DNAI1: variants seen among roughly 807,000 people sequenced by gnomAD.
DNAI1 encodes dynein axonemal intermediate chain 1.
Under a neutral mutation model 92.0 loss-of-function variants are expected in DNAI1, and 67 were observed. That is an observed-to-expected ratio of 0.73 (90% CI 0.60 to 0.89). The LOEUF (loss-of-function observed/expected upper bound fraction) is 0.89. DNAI1 is among the 40% of genes least tolerant of loss of function. DNAI1 has a pLI of 0.00. For missense variants in DNAI1, 839 were observed against 866.6 expected, an observed-to-expected ratio of 0.97 and a Z score of 0.40; for synonymous variants, 323 against 319.6, an observed-to-expected ratio of 1.01 and a Z score of -0.11.
chr9:34,501,311 G>T, intron 12 of DNAI1, 130 bp downstream of exon 12: 1 of 802,156 alleles, frequency 1.2e-6, no homozygotes, highest in African/African-American at 1.7e-5. Context: ...ACAGTCTAAT[G>T]GGGAAGACCC....
At chr9:34,512,044 T>C (rs766763094) in intron 13 of DNAI1, 65 bp from the exon 14 acceptor site, 71 of 1,523,360 alleles carry the variant, frequency 4.7e-5, no homozygotes, top group Non-Finnish European at 6.5e-5. Flanking sequence ...GGAGCCCTGC[T>C]CTGCCCACAG....
intron 9 of DNAI1, among the ~76,000 whole-genome samples, chr9:34,495,831 C>T (rs1178128830): frequency 1.3e-5 from 2 of 152,142 alleles, no homozygotes; most frequent in African/African-American, 4.8e-5. Context: ...GGAGAGGATT[C>T]CTGCTCTGGG....
At chr9:34,484,628 A>AT (rs1285165569) in intron 2 of DNAI1, among the ~76,000 whole-genome samples, 3 of 152,326 alleles carry the variant, frequency 2.0e-5, no homozygotes, top group South Asian at 2.1e-4. Context: ...CTAGTCCTTG[A>AT]TTTTTTTGCT....
At chr9:34,483,652 C>T (rs981356095) in intron 2 of DNAI1, among the ~76,000 whole-genome samples, 172 bp downstream of exon 2, 5 of 152,068 alleles carry the variant, frequency 3.3e-5, no homozygotes, top group African/African-American at 9.7e-5. Context: ...ATGTTACATC[C>T]TCTCAGATAT....
At chr9:34,512,066 C>T in intron 13 of DNAI1, 43 bp from the exon 14 acceptor site, 1 of 1,597,100 alleles carries the variant, frequency 6.3e-7, no homozygotes, top group Non-Finnish European at 8.6e-7. Flanking sequence ...CCTAACTCAA[C>T]ACTTTAGCAG....
At chr9:34,489,115 T>C (rs1342975395) in intron 4 of DNAI1, 9 of 576,822 alleles carry the variant, frequency 1.6e-5, no homozygotes, top group South Asian at 1.4e-4. Flanking sequence ...ATGATAACTT[T>C]AAAAAAGATT....
chr9:34,519,702 C>T (rs963839282), intron 19 of DNAI1, among the ~76,000 whole-genome samples: 7 of 152,174 alleles, frequency 4.6e-5, no homozygotes, highest in Admixed American at 1.3e-4. Flanking sequence ...TGCACTCACC[C>T]CTCCCCATCC....
At chr9:34,514,883 A>G in intron 18 of DNAI1, 144 bp downstream of exon 18, 1 of 899,272 alleles carries the variant, frequency 1.1e-6, no homozygotes, top group South Asian at 1.4e-5. Context: ...TCCAGGGGCA[A>G]GCCATCCAGG....
intron 1 of DNAI1, among the ~76,000 whole-genome samples, chr9:34,482,873 C>T (rs1160037108): frequency 6.6e-6 from 1 of 152,260 alleles, no homozygotes; most frequent in Admixed American, 6.5e-5. Flanking sequence ...GTGGGAGGCT[C>T]AGGCATGGCG....
chr9:34,461,483 C>G (rs1380084911), intron 1 of DNAI1, among the ~76,000 whole-genome samples: 1 of 152,186 alleles, frequency 6.6e-6, no homozygotes. Flanking sequence ...GCCTAGGTAA[C>G]CACAGATCTG....
In DNAI1 at chr9:34,514,474, A is replaced by C. The variant is rs751744463; in HGVS notation, c.1650A>C (p.Pro550=). The change falls in exon 17 of 20, where the codon CCA becomes CCC. Residue 550 remains proline (P), a synonymous_variant. Coordinates refer to ENST00000242317, the MANE Select transcript of DNAI1 (RefSeq NM_012144.4). Reference sequence around the variant, plus strand: ...CAGTGGACACTGTGTCCTGGAACCCATACCACACCAAGGTCTTCATGTCCT... The same window carrying C: ...CAGTGGACACTGTGTCCTGGAACCCCTACCACACCAAGGTCTTCATGTCCT... The part of the protein sequence containing the change: ...NMSVDTVSWN[P]YHTKVFMSCS... The C allele has an allele frequency of 9.9e-6, 16 of 1,614,094 alleles. No homozygotes were observed. Among genetic ancestry groups the C allele is most frequent in the Admixed American group, 3.3e-5 (2 of 60,008 alleles).
intron 19 of DNAI1, among the ~76,000 whole-genome samples, chr9:34,519,685 C>T (rs761635068): frequency 1.3e-5 from 2 of 152,190 alleles, no homozygotes; most frequent in African/African-American, 4.8e-5. Flanking sequence ...GAAGGGCCTA[C>T]TGGCCCTGCA....
Position 34,520,846 on chromosome 9 carries a change from G to T in DNAI1, c.*90G>T. On this transcript the variant is annotated 3_prime_UTR_variant, in exon 20 of 20. Transcript: ENST00000242317. ...CCAGCCCAGCCTTAGCACCCAGCAT[G>T]TGACCCCACTCCTGATCAGGTCCCA... is the stretch of plus-strand genomic sequence containing the variant. The T allele has an allele frequency of 8.1e-7, 1 of 1,238,360 alleles. No homozygotes were observed. Among genetic ancestry groups the T allele is most frequent in the Non-Finnish European group, 1.2e-6 (1 of 862,350 alleles). The allele number at this position is 1,238,360 out of a possible 1,614,324, so 76.7% of individuals were successfully genotyped here.
intron 12 of DNAI1, among the ~76,000 whole-genome samples, chr9:34,504,553 GGTTA>G (rs1205285726): frequency 6.6e-6 from 1 of 152,186 alleles, no homozygotes; most frequent in Admixed American, 6.5e-5. Flanking sequence ...TTTAATTACT[GGTTA>G]GTTATTTAGG....
intron 8 of DNAI1, among the ~76,000 whole-genome samples, chr9:34,492,504 A>ATC (rs1265007021): frequency 2.3e-4 from 12 of 51,118 alleles, no homozygotes; most frequent in African/African-American, 7.4e-4. Context: ...ATATATATAT[A>ATC]TATATATATA....
In DNAI1 at chr9:34,516,729, A is replaced by ATTTTC. The variant is rs796347476; in HGVS notation, c.1819-541_1819-537dup. On this transcript the variant is annotated intron_variant, in intron 18 of 19. Transcript: ENST00000242317. ...GAGTGCTCAACAAATGGTAGCTGCT[A>ATTTTC]TTTTCTTTTCTTTTCTTTTTTTTTT... Among the ~76,000 whole-genome samples the ATTTTC allele has an allele frequency of 6.3e-3, 912 of 144,568 alleles. 27 individuals are homozygous for ATTTTC. Among genetic ancestry groups the ATTTTC allele is most frequent in the African/African-American group, 0.012 (444 of 38,532 alleles). The allele number at this position is 144,568 out of a possible 152,430, so 94.8% of individuals were successfully genotyped here. A position where few individuals can be genotyped will look rare whatever the true frequency, so the allele number is the denominator to read the frequency against.
chr9:34,506,943 G>T, intron 13 of DNAI1, 69 bp downstream of exon 13: 1 of 1,571,208 alleles, frequency 6.4e-7, no homozygotes. Flanking sequence ...GGAGGAGGGA[G>T]GGAGCTTGGG....
In DNAI1 at chr9:34,492,105, T is replaced by G. The variant is rs569968121; in HGVS notation, c.681+551T>G. ...ATGTCACTTTTAATGCCTCAGTTTC[T>G]TTCTCTCTAAAGAGAGGATGACAAG... On this transcript the variant is annotated intron_variant, in intron 8 of 19. Coordinates refer to ENST00000242317, the MANE Select transcript of DNAI1 (RefSeq NM_012144.4). 1.5e-4 allele frequency among the ~76,000 whole-genome samples: 23 copies of G among 152,318 alleles called. No individual in the cohort carries two copies. In the East Asian group the frequency reaches 4.2e-3, roughly 28 times the overall value.
At chr9:34,491,912 T>TA (rs980249057) in intron 8 of DNAI1, among the ~76,000 whole-genome samples, 13 of 152,208 alleles carry the variant, frequency 8.5e-5, no homozygotes, top group African/African-American at 2.9e-4. Context: ...TCCAAAGTGT[T>TA]AGCACTCTGA....
Sources: gnomAD v4.1 joint callset for allele counts (sites outside exome capture counted in the v4.1 genomes callset) on GRCh38, gnomAD v4.1.1 for gene constraint, MANE v1.5 for transcripts, NCBI Gene and HGNC (gene_info 2026-07-23, HGNC 2026-07-21) for gene names.